The following GRM8 variants were observed in gnomAD, a reference collection of about 807,000 sequenced individuals.
GRM8 encodes the protein glutamate metabotropic receptor 8, also known as metabotropic glutamate receptor 8.
GRM8 carries 47 observed loss-of-function variants against 87.2 expected under a neutral mutation model. The ratio of observed to expected loss-of-function variants is 0.54; its 90% CI spans 0.43 to 0.69. The LOEUF (loss-of-function observed/expected upper bound fraction) is 0.69. Ranked by LOEUF, GRM8 falls within the 30% of genes least tolerant of loss-of-function variation. The pLI, the probability that GRM8 is intolerant of heterozygous loss-of-function variation, is 0.00. For synonymous variants in GRM8, 396 were observed against 404.5 expected, an observed-to-expected ratio of 0.98 and a Z score of 0.25; for missense variants, 1,019 against 1,139.2, an observed-to-expected ratio of 0.89 and a Z score of 1.52.
chr7:126,880,406 A>T (rs1799918582), intron 6 of GRM8, among the ~76,000 whole-genome samples: 1 of 152,212 alleles, frequency 6.6e-6, no homozygotes, highest in Non-Finnish European at 1.5e-5. Flanking sequence ...TCTGGAAACT[A>T]AAAATTAAGG....
intron 2 of GRM8, among the ~76,000 whole-genome samples, chr7:127,205,923 A>G (rs976771734): frequency 6.6e-6 from 1 of 152,156 alleles, no homozygotes; most frequent in Non-Finnish European, 1.5e-5. Context: ...GCAGAAATGT[A>G]TATGACCATT....
intron 7 of GRM8, among the ~76,000 whole-genome samples, chr7:126,637,665 C>G (rs755111041): frequency 1.3e-5 from 2 of 152,064 alleles, no homozygotes; most frequent in South Asian, 2.1e-4. Flanking sequence ...GAAGCATTAG[C>G]CTGTTGTGTA....
At chr7:126,858,032 T>C (rs79418227) in intron 6 of GRM8, among the ~76,000 whole-genome samples, 1,802 of 152,248 alleles carry the variant, frequency 0.012, 42 homozygotes, top group East Asian at 0.067. Flanking sequence ...CTCCACGCAC[T>C]AAAATCTGAG....
intron 1 of GRM8, among the ~76,000 whole-genome samples, chr7:127,251,769 G>C (rs1265228586): frequency 6.6e-6 from 1 of 151,956 alleles, no homozygotes; most frequent in Non-Finnish European, 1.5e-5. Flanking sequence ...CCGAGGAGCT[G>C]TTGGGGTGCG....
chr7:126,917,196 G>A (rs532114718), intron 3 of GRM8, among the ~76,000 whole-genome samples: 1 of 151,996 alleles, frequency 6.6e-6, no homozygotes, highest in Non-Finnish European at 1.5e-5. Flanking sequence ...AGCTGGTCTC[G>A]AACTCCTGGC....
At chr7:127,081,544 C>T (rs1035608301) in intron 3 of GRM8, among the ~76,000 whole-genome samples, 2 of 151,790 alleles carry the variant, frequency 1.3e-5, no homozygotes, top group Non-Finnish European at 2.9e-5. Context: ...CTCTCTCCCA[C>T]TAACCTGGAA....
At chr7:126,929,320 A>T (rs1011304042) in intron 3 of GRM8, among the ~76,000 whole-genome samples, 7 of 152,224 alleles carry the variant, frequency 4.6e-5, no homozygotes, top group African/African-American at 1.7e-4. Flanking sequence ...TGACGACCAC[A>T]TTCTATAGCT....
chr7:126,777,298 T>C (rs894334061), intron 6 of GRM8, among the ~76,000 whole-genome samples: 6 of 152,156 alleles, frequency 3.9e-5, no homozygotes, highest in African/African-American at 1.4e-4. Flanking sequence ...TAGTATCCCT[T>C]TAATTCTAAA....
chr7:126,650,706 C>T (rs10808224), intron 7 of GRM8, among the ~76,000 whole-genome samples: 1 of 151,292 alleles, frequency 6.6e-6, no homozygotes, highest in African/African-American at 2.4e-5. Context: ...ATATTTGTAT[C>T]CCAAGTGAGC....
intron 7 of GRM8, among the ~76,000 whole-genome samples, chr7:126,769,351 T>C (rs1476722364): frequency 6.6e-6 from 1 of 152,032 alleles, no homozygotes; most frequent in East Asian, 1.9e-4. Context: ...TGTGCATCCC[T>C]TTGCTTCCGA....
intron 2 of GRM8, among the ~76,000 whole-genome samples, chr7:127,223,262 C>T (rs6960871): frequency 0.55 from 83,256 of 151,800 alleles, 25,200 homozygotes; most frequent in African/African-American, 0.8. Flanking sequence ...TCATCTATAC[C>T]TGAAAAGCCA....
At chr7:126,865,403 T>G (rs1305267763) in intron 6 of GRM8, among the ~76,000 whole-genome samples, 8 of 152,240 alleles carry the variant, frequency 5.3e-5, no homozygotes, top group Non-Finnish European at 1.5e-5. Flanking sequence ...TTTATTTTGG[T>G]AACAGCTTTA....
chr7:127,083,293 T>C (rs1823073107), intron 3 of GRM8, among the ~76,000 whole-genome samples: 1 of 152,198 alleles, frequency 6.6e-6, no homozygotes, highest in South Asian at 2.1e-4. Flanking sequence ...CTCTTCCTTC[T>C]CCCTCACTCT....
At chr7:126,574,060 T>TA (rs1794909755) in intron 8 of GRM8, among the ~76,000 whole-genome samples, 1 of 152,192 alleles carries the variant, frequency 6.6e-6, no homozygotes, top group South Asian at 2.1e-4. Flanking sequence ...GCTTTTGACT[T>TA]AAAGCAATCT....
At chr7:126,511,706 A>C (rs1811398373) in intron 9 of GRM8, 1 of 152,148 alleles carries the variant, frequency 6.6e-6, no homozygotes, top group Non-Finnish European at 1.5e-5. Flanking sequence ...TAAATTTAGA[A>C]AACTGTCGAG....
chr7:126,442,501 G>T (rs1050350018), intron 10 of GRM8, among the ~76,000 whole-genome samples: 7 of 151,934 alleles, frequency 4.6e-5, no homozygotes, highest in African/African-American at 1.7e-4. Context: ...TGTTAAAAGG[G>T]TCATCCAACT....
intron 6 of GRM8, among the ~76,000 whole-genome samples, chr7:126,860,313 C>T (rs1798043318): frequency 6.6e-6 from 1 of 152,158 alleles, no homozygotes; most frequent in Non-Finnish European, 1.5e-5. Flanking sequence ...TTATCCAAGC[C>T]ACATTGGCTT....
chr7:126,485,613 T>C (rs1807260270), intron 9 of GRM8, among the ~76,000 whole-genome samples: 1 of 152,002 alleles, frequency 6.6e-6, no homozygotes, highest in Non-Finnish European at 1.5e-5. Context: ...CAGACCTCTC[T>C]ATTATAGTAT....
intron 7 of GRM8, among the ~76,000 whole-genome samples, chr7:126,634,895 T>A (rs1347479801): frequency 6.6e-6 from 1 of 152,154 alleles, no homozygotes; most frequent in East Asian, 1.9e-4. Flanking sequence ...ATAATCTCCA[T>A]GAGGGTCATG....
Sources: gnomAD v4.1 joint callset for allele counts (sites outside exome capture counted in the v4.1 genomes callset) on GRCh38, gnomAD v4.1.1 for gene constraint, MANE v1.5 for transcripts, NCBI Gene and HGNC (gene_info 2026-07-23, HGNC 2026-07-21) for gene names.